The following RAB3B variants were observed in gnomAD, a reference collection of about 807,000 sequenced individuals.
RAB3B encodes ras-related protein Rab-3B.
RAB3B carries 11 observed loss-of-function variants against 20.5 expected under a neutral mutation model. The observed-to-expected ratio is 0.54, with a 90% confidence interval of 0.34 to 0.89. The LOEUF is 0.89. Among genes scored for constraint, RAB3B ranks in the 40% least tolerant of loss-of-function variants. RAB3B has a pLI of 0.02. For synonymous variants in RAB3B, 99 were observed against 106.3 expected, an observed-to-expected ratio of 0.93 and a Z score of 0.42; for missense variants, 225 against 280.9, an observed-to-expected ratio of 0.80 and a Z score of 1.42.
intron 2 of RAB3B, among the ~76,000 whole-genome samples, chr1:51,955,643 G>A (rs924350323): frequency 5.3e-5 from 8 of 152,066 alleles, no homozygotes; most frequent in South Asian, 2.1e-4. Flanking sequence ...CAAGTGATCC[G>A]CCAGCCTCAG....
intron 2 of RAB3B, among the ~76,000 whole-genome samples, chr1:51,964,132 A>G (rs1684816959): frequency 6.6e-6 from 1 of 152,110 alleles, no homozygotes; most frequent in African/African-American, 2.4e-5. Context: ...CTCTTCTGCC[A>G]TTTTTACCAG....
rs1292929625 is a variant in RAB3B at position 51,937,373 on chromosome 1, C to T, written c.268G>A (p.Ala90Thr). The T allele has an allele frequency of 6.8e-6, 11 of 1,612,848 alleles. No homozygotes were observed. The highest frequency in any genetic ancestry group is 9.3e-6 in the Non-Finnish European group (11 of 1,179,550). ...AAGCCCATGGCCCCACGGTAATAGGCTGTTGTGATGGTCCGGTACCGCTCC... is the reference window on the plus strand; with the variant it reads ...AAGCCCATGGCCCCACGGTAATAGGTTGTTGTGATGGTCCGGTACCGCTCC... Reference protein sequence around the residue: ...GQERYRTITTAYYRGAMGFIL... With the variant: ...GQERYRTITTTYYRGAMGFIL... Residue 90 changes from alanine (A) to threonine (T), a missense_variant, in exon 3 of 5, where the codon GCC (alanine) becomes ACC (threonine). Transcript: ENST00000371655.
chr1:51,982,362 A>AC (rs1169699087), intron 1 of RAB3B, among the ~76,000 whole-genome samples: 1 of 152,196 alleles, frequency 6.6e-6, no homozygotes, highest in Non-Finnish European at 1.5e-5. Context: ...GCAGTGACCC[A>AC]TGATTGCACC....
chr1:51,942,735 G>A (rs1386618631), intron 2 of RAB3B, among the ~76,000 whole-genome samples: 2 of 152,050 alleles, frequency 1.3e-5, no homozygotes, highest in African/African-American at 2.4e-5. Flanking sequence ...TGCAGATATT[G>A]CATTTTTTAC....
chr1:51,988,171 G>A (rs2124324461), intron 1 of RAB3B, among the ~76,000 whole-genome samples: 1 of 152,288 alleles, frequency 6.6e-6, no homozygotes, highest in Non-Finnish European at 1.5e-5. Context: ...GCTCAATAAT[G>A]TAATTCCCTG....
intron 1 of RAB3B, among the ~76,000 whole-genome samples, chr1:51,984,618 ATGT>A (rs1476532915): frequency 1.3e-5 from 2 of 151,962 alleles, no homozygotes; most frequent in South Asian, 2.1e-4. Flanking sequence ...CAATTATTTA[ATGT>A]TGTCACTCTC....
At chr1:51,923,398 G>T (rs150942369) in intron 4 of RAB3B, among the ~76,000 whole-genome samples, 82 of 152,238 alleles carry the variant, frequency 5.4e-4, no homozygotes, top group African/African-American at 1.9e-3. Context: ...GCTTCTTGAA[G>T]TTAGTGAGGA....
At chr1:51,930,568 C>A (rs911880751) in intron 4 of RAB3B, among the ~76,000 whole-genome samples, 74 of 152,136 alleles carry the variant, frequency 4.9e-4, no homozygotes, top group African/African-American at 1.7e-3. Flanking sequence ...TTAAAAAAAA[C>A]ACACACACAC....
At chr1:51,951,123 G>A (rs1301565640) in intron 2 of RAB3B, among the ~76,000 whole-genome samples, 1 of 132,808 alleles carries the variant, frequency 7.5e-6, no homozygotes, top group East Asian at 2.4e-4. Context: ...ATGATTCTGT[G>A]ATGCAGACTT....
intron 2 of RAB3B, among the ~76,000 whole-genome samples, chr1:51,968,326 CCT>C (rs1238689979): frequency 6.6e-6 from 1 of 152,154 alleles, no homozygotes; most frequent in African/African-American, 2.4e-5. Context: ...AATAGAGAAG[CCT>C]ATTAGACAGC....
rs201157918 is a variant in RAB3B, at chr1:51,919,974, G to C, written c.613C>G (p.Arg205Gly). The C allele has an allele frequency of 3.7e-5, 59 of 1,613,972 alleles. No individual in the cohort carries two copies. The highest frequency in any genetic ancestry group is 6.8e-6 in the Non-Finnish European group (8 of 1,179,988). Reference sequence around the variant, plus strand: ...AGCAGCGGTGGGGTGTCCGAGAGACGCGTGTTCTTGGAGGAGCCCAGCATC... The same window carrying C: ...AGCAGCGGTGGGGTGTCCGAGAGACCCGTGTTCTTGGAGGAGCCCAGCATC... ...PSMLGSSKNT[R>G]LSDTPPLLQQ... Residue 205 changes from arginine (R) to glycine (G), a missense_variant, in exon 5 of 5, where the codon CGT becomes GGT. Coordinates refer to ENST00000371655, the MANE Select transcript of RAB3B (RefSeq NM_002867.4).
At chr1:51,961,347 T>A (rs577706798) in intron 2 of RAB3B, among the ~76,000 whole-genome samples, 20 of 152,272 alleles carry the variant, frequency 1.3e-4, no homozygotes, top group African/African-American at 4.8e-4. Context: ...CACCTCCGTT[T>A]CTGAGAGTGT....
At chr1:51,951,642 T>C (rs145546944) in intron 2 of RAB3B, among the ~76,000 whole-genome samples, 1 of 152,156 alleles carries the variant, frequency 6.6e-6, no homozygotes, top group African/African-American at 2.4e-5. Flanking sequence ...TGAGACTGTG[T>C]TTCTACAAAA....
chr1:51,920,700 T>A (rs1684160720), intron 4 of RAB3B, among the ~76,000 whole-genome samples: 1 of 152,312 alleles, frequency 6.6e-6, no homozygotes, highest in East Asian at 1.9e-4. Flanking sequence ...AAAGCACCAG[T>A]ATGAGAAGCC....
chr1:51,942,196 G>A (rs1684503780), intron 2 of RAB3B, among the ~76,000 whole-genome samples: 1 of 152,192 alleles, frequency 6.6e-6, no homozygotes, highest in South Asian at 2.1e-4. Flanking sequence ...CTGAGCGCCT[G>A]CACTGCCATC....
intron 1 of RAB3B, among the ~76,000 whole-genome samples, chr1:51,985,456 CT>C (rs1312318111): frequency 1.3e-5 from 2 of 152,272 alleles, no homozygotes; most frequent in East Asian, 3.9e-4. Flanking sequence ...TTTCACTTTT[CT>C]GATGTAGCCC....
intron 2 of RAB3B, among the ~76,000 whole-genome samples, chr1:51,969,454 T>C (rs537091073): frequency 6.6e-6 from 1 of 152,284 alleles, no homozygotes; most frequent in African/African-American, 2.4e-5. Flanking sequence ...CCACATGGAC[T>C]TTGACTTTGA....
At chr1:51,937,875 A>T (rs968294375) in intron 2 of RAB3B, among the ~76,000 whole-genome samples, 5 of 152,132 alleles carry the variant, frequency 3.3e-5, no homozygotes, top group African/African-American at 1.2e-4. Context: ...TTTAAATCTC[A>T]TAGAATTTAA....
chr1:51,981,262 A>C (rs544609776), intron 1 of RAB3B, among the ~76,000 whole-genome samples: 28 of 152,324 alleles, frequency 1.8e-4, no homozygotes, highest in Admixed American at 1.7e-3. Flanking sequence ...AACCGGGATC[A>C]AGTGATCTGC....
Sources: allele counts gnomAD v4.1 joint callset (sites outside exome capture counted in the v4.1 genomes callset), GRCh38; gene constraint gnomAD v4.1.1; transcripts MANE v1.5; gene names NCBI Gene and HGNC (gene_info 2026-07-23, HGNC 2026-07-21).